Variants in ALLC observed in about 807,000 individuals in gnomAD.
ALLC encodes the protein allantoicase, also known as probable inactive allantoicase.
ALLC carries 40 observed loss-of-function variants against 45.0 expected under a neutral mutation model. The ratio of observed to expected loss-of-function variants is 0.89; its 90% CI spans 0.69 to 1.16. The LOEUF (loss-of-function observed/expected upper bound fraction) is 1.16. Among genes scored for constraint, ALLC ranks in the 50% most tolerant of loss-of-function variants. ALLC has a pLI of 0.00. For synonymous variants in ALLC, 176 were observed against 178.1 expected, an observed-to-expected ratio of 0.99 and a Z score of 0.09; for missense variants, 488 against 493.1, an observed-to-expected ratio of 0.99 and a Z score of 0.10.
chr2:3,671,138 T>C lies in ALLC; in HGVS notation c.-20T>C. On this transcript the variant is annotated 5_prime_UTR_variant, in exon 2 of 12. Coordinates refer to ENST00000252505, the MANE Select transcript of ALLC (RefSeq NM_018436.4). ...CCGAAGGAGGGAAGACTGACCCGGT[T>C]TCTGGACTTCACCCAGCTGATGGAC... The C allele has an allele frequency of 3.7e-6, 6 of 1,609,944 alleles. No individual in the cohort carries two copies. The highest frequency in any genetic ancestry group is 2.7e-5 in the African/African-American group (2 of 75,004).
chr2:3,666,256 T>G (rs1436140594), intron 1 of ALLC, among the ~76,000 whole-genome samples: 1 of 152,230 alleles, frequency 6.6e-6, no homozygotes, highest in Non-Finnish European at 1.5e-5. Context: ...TACCGGGGCA[T>G]AGTGAGCTTG....
chr2:3,665,261 C>A (rs1336972055), intron 1 of ALLC, among the ~76,000 whole-genome samples: 2 of 149,088 alleles, frequency 1.3e-5, no homozygotes, highest in Non-Finnish European at 3.0e-5. Flanking sequence ...CCAGAGGGAG[C>A]ATTCTTTTCC....
At chr2:3,695,214 A>T (rs947395586) in intron 7 of ALLC, 7 of 155,994 alleles carry the variant, frequency 4.5e-5, no homozygotes, top group Admixed American at 4.3e-4. Flanking sequence ...ATGTGCCCAG[A>T]CCTCTTCTAG....
chr2:3,666,274 T>C (rs1374285402), intron 1 of ALLC, among the ~76,000 whole-genome samples: 1 of 152,230 alleles, frequency 6.6e-6, no homozygotes, highest in African/African-American at 2.4e-5. Context: ...TTGCTGGAGC[T>C]GATGGGGAAA....
chr2:3,676,022 A>G (rs765493082), intron 3 of ALLC, among the ~76,000 whole-genome samples: 1 of 152,214 alleles, frequency 6.6e-6, no homozygotes, highest in Non-Finnish European at 1.5e-5. Context: ...CTCCTCCCAC[A>G]TGGGCACTCA....
intron 10 of ALLC, among the ~76,000 whole-genome samples, chr2:3,697,702 G>A (rs534232527): frequency 8.2e-4 from 125 of 151,636 alleles, no homozygotes; most frequent in African/African-American, 3.0e-3. Context: ...GTCTTGCTGT[G>A]TCGCCCAGCC....
At chr2:3,686,705 G>T (rs1289250491) in intron 7 of ALLC, among the ~76,000 whole-genome samples, 1 of 150,878 alleles carries the variant, frequency 6.6e-6, no homozygotes, top group Non-Finnish European at 1.5e-5. Context: ...TGTAGCTATT[G>T]TATATGCGAT....
intron 6 of ALLC, among the ~76,000 whole-genome samples, chr2:3,682,674 C>G (rs1047684592): frequency 1.4e-4 from 22 of 152,024 alleles, no homozygotes; most frequent in African/African-American, 4.8e-4. Flanking sequence ...TACAGGCGCC[C>G]GCCACCACGC....
intron 1 of ALLC, among the ~76,000 whole-genome samples, chr2:3,669,191 C>T (rs565774257): frequency 1.4e-4 from 22 of 151,938 alleles, no homozygotes; most frequent in African/African-American, 4.3e-4. Flanking sequence ...ACAGTAATTC[C>T]GGCCAGGTGT....
At chr2:3,649,468 C>T in the ALLC span, among the ~76,000 whole-genome samples, 1 of 152,202 alleles carries the variant, frequency 6.6e-6, no homozygotes, top group Non-Finnish European at 1.5e-5. Context: ...GTCTCGATCT[C>T]CTGACCTCGT....
the ALLC span, among the ~76,000 whole-genome samples, chr2:3,651,442 T>TGTGTGTGCATGAGG: frequency 3.9e-5 from 1 of 25,598 alleles, no homozygotes; most frequent in East Asian, 4.2e-4. Flanking sequence ...TGTGTGTGTG[T>TGTGTGTGCATGAGG]TAGGAAGGGA....
At chr2:3,702,291 C>T (rs528935547) in intron 11 of ALLC, 72 bp from the exon 12 acceptor site, 8 of 1,369,888 alleles carry the variant, frequency 5.8e-6, no homozygotes, top group Admixed American at 2.2e-5. Flanking sequence ...AAGGTTTGCC[C>T]GGGCCGTGGG....
At chr2:3,667,208 G>A (rs1039849990) in intron 1 of ALLC, among the ~76,000 whole-genome samples, 1 of 152,170 alleles carries the variant, frequency 6.6e-6, no homozygotes, top group Non-Finnish European at 1.5e-5. Flanking sequence ...AGCTCACTGA[G>A]CGTGTGTCTT....
rs757366913 is a variant in ALLC at position 3,701,581 on chromosome 2, G to C, written c.920G>C (p.Arg307Thr). 6.2e-7 allele frequency: 1 copy of C among 1,609,068 alleles called. No individual in the cohort carries two copies. The highest frequency in any genetic ancestry group is 1.7e-5 in the Admixed American group (1 of 59,504). Residue 307 changes from arginine (R) to threonine (T), a missense_variant, in exon 11 of 12, where the codon AGG (arginine) becomes ACG (threonine). Physicochemically the swap from Arg to Thr is moderately conservative, Grantham distance 71. Coordinates refer to ENST00000252505, the MANE Select transcript of ALLC (RefSeq NM_018436.4). ...LTTQEEEAVI[R>T]QKWILPAHKW... The stretch of plus-strand genomic sequence containing the variant: ...ACTCAGGAAGAAGAAGCCGTGATCA[G>C]GCAAAAGTGGATTCTCCCGGCCCAC...
At chr2:3,664,841 G>T (rs1326014011) in intron 1 of ALLC, among the ~76,000 whole-genome samples, 6 of 150,358 alleles carry the variant, frequency 4.0e-5, no homozygotes, top group African/African-American at 1.5e-4. Flanking sequence ...CTATGATCGT[G>T]CCACTGCATT....
intron 10 of ALLC, among the ~76,000 whole-genome samples, chr2:3,698,409 G>A (rs560521455): frequency 7.9e-5 from 12 of 152,276 alleles, no homozygotes; most frequent in Non-Finnish European, 1.5e-4. Context: ...GAAAAGCACC[G>A]GGATGGGAGG....
Position 3,680,473 on chromosome 2 carries a change from A to C in ALLC, c.298+479A>C, listed in dbSNP as rs769149456. On this transcript the variant is annotated intron_variant, in intron 5 of 11. Transcript: ENST00000252505. This position sits in a 1 kb window ranked among gnomAD's most constrained non-coding sequence, Gnocchi z 4.0. ...TGCATCTTGGAATGCTGGACCTATGAATCCTGCAGGCTCTATAAATGAGAC... is the reference window on the plus strand; with the variant it reads ...TGCATCTTGGAATGCTGGACCTATGCATCCTGCAGGCTCTATAAATGAGAC... 6.6e-6 allele frequency among the ~76,000 whole-genome samples: 1 copy of C among 152,088 alleles called. No individual in the cohort carries two copies. Among genetic ancestry groups the C allele is most frequent in the Non-Finnish European group, 1.5e-5 (1 of 68,038 alleles).
chr2:3,664,328 C>T (rs907351451), intron 1 of ALLC, among the ~76,000 whole-genome samples: 7 of 152,164 alleles, frequency 4.6e-5, no homozygotes, highest in Non-Finnish European at 8.8e-5. Context: ...GTTTGTTTTG[C>T]GTTTATCTCA....
chr2:3,655,152 G>C (rs1666412925), upstream of ALLC, among the ~76,000 whole-genome samples: 1 of 152,258 alleles, frequency 6.6e-6, no homozygotes, highest in Non-Finnish European at 1.5e-5. Flanking sequence ...CACCATGACA[G>C]CTGCTCCTTC....
Sources: gnomAD v4.1 joint callset for allele counts (sites outside exome capture counted in the v4.1 genomes callset) on GRCh38, gnomAD v4.1.1 for gene constraint, Gnocchi (gnomAD v3.1) non-coding constraint, MANE v1.5 for transcripts, NCBI Gene and HGNC (gene_info 2026-07-23, HGNC 2026-07-21) for gene names.